Variants in TBC1D19 observed in about 807,000 individuals in gnomAD.
TBC1D19 encodes TBC1 domain family, member 19.
TBC1D19 carries 60 observed loss-of-function variants against 89.0 expected under a neutral mutation model. The observed-to-expected ratio is 0.67, with a 90% CI of 0.55 to 0.84. TBC1D19 has a LOEUF of 0.84. Ranked by LOEUF, TBC1D19 falls within the 40% of genes least tolerant of loss-of-function variation. TBC1D19 has a pLI of 0.00. For synonymous variants in TBC1D19, 189 were observed against 199.7 expected (o/e 0.95, Z 0.45); for missense variants, 500 against 610.8 (o/e 0.82, Z 1.91).
chr4:26,654,336 C>T (rs948024185), intron 7 of TBC1D19, among the ~76,000 whole-genome samples: 1 of 152,166 alleles, frequency 6.6e-6, no homozygotes, highest in East Asian at 1.9e-4. Flanking sequence ...TTTGGTGAAT[C>T]TGACAATTAT....
intron 11 of TBC1D19, among the ~76,000 whole-genome samples, chr4:26,679,727 T>C (rs936494007): frequency 6.6e-6 from 1 of 152,228 alleles, no homozygotes; most frequent in Admixed American, 6.5e-5. Flanking sequence ...AGTGGGGCTG[T>C]ACTCGGTAAA....
chr4:26,593,879 T>G (rs1159695519), intron 1 of TBC1D19, among the ~76,000 whole-genome samples: 13 of 152,194 alleles, frequency 8.5e-5, no homozygotes, highest in African/African-American at 2.9e-4. Flanking sequence ...GGAACACTTT[T>G]ACACTGTTGG....
the TBC1D19 span, among the ~76,000 whole-genome samples, chr4:26,821,104 A>G: frequency 2.2e-4 from 34 of 152,374 alleles, no homozygotes; most frequent in African/African-American, 7.9e-4. Flanking sequence ...GCAATCAAGC[A>G]TGCACATGAA....
At chr4:26,677,312 C>A (rs958894695) in intron 11 of TBC1D19, among the ~76,000 whole-genome samples, 1 of 147,234 alleles carries the variant, frequency 6.8e-6, no homozygotes, top group Non-Finnish European at 1.5e-5. Context: ...CAGCCTTGTT[C>A]CCTATAAATC....
intron 12 of TBC1D19, among the ~76,000 whole-genome samples, chr4:26,685,489 A>G (rs918919550): frequency 1.3e-5 from 2 of 152,232 alleles, no homozygotes; most frequent in African/African-American, 4.8e-5. Flanking sequence ...CTTACCAGCA[A>G]CATAGTGACA....
the TBC1D19 span, among the ~76,000 whole-genome samples, chr4:26,850,540 C>CAAAAAAAAAAAAAAAAAAAAAAAAAAAAA: frequency 1.1e-4 from 10 of 90,422 alleles, no homozygotes; most frequent in African/African-American, 3.6e-4. Context: ...GACCCTGTCT[C>CAAAAAAAAAAAAAAAAAAAAAAAAAAAAA]AAAAAAAAAA....
chr4:26,806,684 T>C, the TBC1D19 span, among the ~76,000 whole-genome samples: 4 of 152,016 alleles, frequency 2.6e-5, no homozygotes, highest in African/African-American at 9.7e-5. Flanking sequence ...GGAAATAGAG[T>C]CTTTGCAGAC....
At chr4:26,597,299 T>A (rs1207619098) in intron 1 of TBC1D19, among the ~76,000 whole-genome samples, 3 of 152,234 alleles carry the variant, frequency 2.0e-5, no homozygotes, top group African/African-American at 7.2e-5. Flanking sequence ...TGGTTTAACC[T>A]CTTAATCGTT....
Position 26,753,800 on chromosome 4 carries a change from T to A in TBC1D19, c.1436-20T>A. The A allele has an allele frequency of 6.2e-7, 1 of 1,613,570 alleles. No individual in the cohort carries two copies. Reference sequence around the variant, plus strand: ...CTGATGAGTAGGCCAGCAGTTGAAGTAGTGTGCATTCTTTTCCAGTGCTGG... The same window carrying A: ...CTGATGAGTAGGCCAGCAGTTGAAGAAGTGTGCATTCTTTTCCAGTGCTGG... On this transcript the variant is annotated intron_variant, in intron 19 of 20. Transcript: ENST00000264866.
In TBC1D19 at chr4:26,659,603, A is replaced by C. The variant is rs1179187244; in HGVS notation, c.487A>C (p.Ile163Leu). The change falls in exon 8 of 21, where the codon ATT (isoleucine) becomes CTT (leucine). Residue 163 changes from isoleucine (I) to leucine (L), a missense_variant. Ile to Leu is a conservative substitution (Grantham distance 5). Around this residue, in one of 2 missense-constraint regions of TBC1D19, gnomAD observed 280 missense variants for 291.7 expected, o/e 0.96. Transcript: ENST00000264866. ...YAPKDFLEVL[I>L]NLRNPNYENG... is the part of the protein sequence containing the mutation. ...GTTGGATTTGTTTTTAAAGGTATTA[A>C]TTAATCTTCGCAACCCAAATTATGA... 1 of 1,584,884 alleles carries C rather than the reference A, an allele frequency of 6.3e-7. No homozygotes were observed. The highest frequency in any genetic ancestry group is 1.3e-5 in the African/African-American group (1 of 74,750).
chr4:26,820,566 A>G, the TBC1D19 span, among the ~76,000 whole-genome samples: 1 of 152,242 alleles, frequency 6.6e-6, no homozygotes, highest in Non-Finnish European at 1.5e-5. Context: ...TTGTACATAA[A>G]TACCACATTT....
At chr4:26,837,294 T>C in the TBC1D19 span, among the ~76,000 whole-genome samples, 2 of 152,200 alleles carry the variant, frequency 1.3e-5, no homozygotes, top group Middle Eastern at 6.8e-3. Flanking sequence ...GAGATGGGCA[T>C]GGAGAAGACC....
chr4:26,793,584 A>G, the TBC1D19 span, among the ~76,000 whole-genome samples: 1 of 152,084 alleles, frequency 6.6e-6, no homozygotes, highest in African/African-American at 2.4e-5. Context: ...TTAGCTGGGC[A>G]TGGTGACGAG....
intron 15 of TBC1D19, among the ~76,000 whole-genome samples, chr4:26,721,828 C>T (rs1015600983): frequency 2.0e-5 from 3 of 152,142 alleles, no homozygotes; most frequent in African/African-American, 7.2e-5. Context: ...CTCACGAAAG[C>T]ACTATGCTGC....
At chr4:26,746,929 C>T (rs890878661) in intron 18 of TBC1D19, among the ~76,000 whole-genome samples, 6 of 152,094 alleles carry the variant, frequency 3.9e-5, no homozygotes, top group African/African-American at 1.4e-4. Context: ...AAGTGACTAA[C>T]ATGTGGGTAG....
chr4:26,672,312 T>A (rs1038749146), intron 10 of TBC1D19, 125 bp downstream of exon 10: 8 of 730,178 alleles, frequency 1.1e-5, no homozygotes, highest in Non-Finnish European at 9.9e-6. Flanking sequence ...AGAGGGGTAA[T>A]ATTTAACCAT....
Position 26,753,897 on chromosome 4 carries a change from A to T in TBC1D19, c.1506+7A>T. ...ATCACTGGCTGCAGCTGAAGTAAGGATAAGTTTCACTCAGATGGGATGGAA... is the reference window on the plus strand; with the variant it reads ...ATCACTGGCTGCAGCTGAAGTAAGGTTAAGTTTCACTCAGATGGGATGGAA... On this transcript the variant is annotated splice_region_variant and intron_variant, in intron 20 of 20. Coordinates refer to ENST00000264866, the MANE Select transcript of TBC1D19 (RefSeq NM_018317.4). 6.2e-7 allele frequency: 1 copy of T among 1,613,806 alleles called. No individual in the cohort carries two copies. Among genetic ancestry groups the T allele is most frequent in the Non-Finnish European group, 8.5e-7 (1 of 1,179,800 alleles).
intron 7 of TBC1D19, among the ~76,000 whole-genome samples, chr4:26,652,447 C>G (rs972026698): frequency 6.6e-6 from 1 of 151,952 alleles, no homozygotes; most frequent in African/African-American, 2.4e-5. Context: ...ACTGTATTTC[C>G]CAGGCAGGTC....
chr4:26,633,492 G>C (rs540572034), intron 4 of TBC1D19, among the ~76,000 whole-genome samples: 9 of 152,230 alleles, frequency 5.9e-5, no homozygotes, highest in African/African-American at 1.4e-4. Context: ...CCAGAAAAAG[G>C]GTTCTTGTTG....
Sources: gnomAD v4.1 joint callset for allele counts (sites outside exome capture counted in the v4.1 genomes callset) on GRCh38, gnomAD v4.1.1 for gene constraint, gnomAD v4.1.1 regional missense constraint, MANE v1.5 for transcripts, NCBI Gene and HGNC (gene_info 2026-07-23, HGNC 2026-07-21) for gene names.